Variants in RACGAP1 observed in about 807,000 individuals in gnomAD.
RACGAP1 encodes rac GTPase-activating protein 1.
A neutral mutation model predicts 78.1 loss-of-function variants in RACGAP1; 30 were observed. That is an observed-to-expected ratio of 0.38 (90% CI 0.29 to 0.52). RACGAP1 has a LOEUF of 0.52. RACGAP1 is among the 20% of genes least tolerant of loss of function. The probability of loss-of-function intolerance (pLI) is 0.82; values close to 1 mark genes in which losing one functional copy is unlikely to be tolerated. For synonymous variants in RACGAP1, 231 were observed against 264.8 expected, an observed-to-expected ratio of 0.87 and a Z score of 1.24; for missense variants, 587 against 777.1, an observed-to-expected ratio of 0.76 and a Z score of 2.91.
chr12:50,020,124 T>C (rs993515187), intron 1 of RACGAP1, among the ~76,000 whole-genome samples: 1 of 152,204 alleles, frequency 6.6e-6, no homozygotes, highest in African/African-American at 2.4e-5. Context: ...ACTAGGTGCT[T>C]TGAAATGATT....
chr12:50,013,360 A>G (rs530034543), intron 2 of RACGAP1, among the ~76,000 whole-genome samples: 2 of 152,332 alleles, frequency 1.3e-5, no homozygotes, highest in East Asian at 3.9e-4. Context: ...AGACACAGAA[A>G]TAACAGGTAA....
At chr12:49,997,728 C>A (rs1948400298) in intron 9 of RACGAP1, among the ~76,000 whole-genome samples, 1 of 152,060 alleles carries the variant, frequency 6.6e-6, no homozygotes. Context: ...CAGGCATGCG[C>A]CACCACGCCC....
At chr12:49,994,968 CAT>C (rs1480373176) in intron 10 of RACGAP1, among the ~76,000 whole-genome samples, 1 of 151,970 alleles carries the variant, frequency 6.6e-6, no homozygotes, top group Non-Finnish European at 1.5e-5. Flanking sequence ...AATTATTTAA[CAT>C]ATCTTATCAG....
At chr12:49,996,984 C>A in intron 10 of RACGAP1, 56 bp downstream of exon 10, 1 of 1,408,936 alleles carries the variant, frequency 7.1e-7, no homozygotes, top group Non-Finnish European at 9.3e-7. Flanking sequence ...TGACACTAAG[C>A]CTTTGAAAGG....
intron 1 of RACGAP1, among the ~76,000 whole-genome samples, chr12:50,024,423 G>T (rs1456333146): frequency 6.6e-6 from 1 of 152,092 alleles, no homozygotes; most frequent in African/African-American, 2.4e-5. Context: ...GTCAAATACC[G>T]CATGTTCTCA....
intron 5 of RACGAP1, among the ~76,000 whole-genome samples, chr12:50,003,828 C>G (rs1053592818): frequency 2.0e-5 from 3 of 152,196 alleles, no homozygotes; most frequent in African/African-American, 7.2e-5. Flanking sequence ...TGAAGTATGA[C>G]TATGCTTTCC....
upstream of RACGAP1, among the ~76,000 whole-genome samples, chr12:50,027,865 C>T (rs1040710843): frequency 6.6e-6 from 1 of 152,074 alleles, no homozygotes. Context: ...CACGAGAAAG[C>T]GTTTATGAAG....
chr12:49,996,575 A>T (rs1948279314), intron 10 of RACGAP1, among the ~76,000 whole-genome samples: 1 of 125,238 alleles, frequency 8.0e-6, no homozygotes, highest in East Asian at 2.7e-4. Flanking sequence ...AGGGGGGCGG[A>T]GGTTGCAGTG....
At chr12:49,995,791 A>C (rs922193411) in intron 10 of RACGAP1, among the ~76,000 whole-genome samples, 1 of 152,200 alleles carries the variant, frequency 6.6e-6, no homozygotes, top group Non-Finnish European at 1.5e-5. Flanking sequence ...TACCACACTC[A>C]GCAATAAATA....
chr12:50,020,358 A>G (rs1209892782), intron 1 of RACGAP1, among the ~76,000 whole-genome samples: 5 of 139,054 alleles, frequency 3.6e-5, no homozygotes, highest in African/African-American at 5.3e-5. Flanking sequence ...TTTTTTTTGT[A>G]TTTTTAGTAG....
Position 50,025,457 on chromosome 12 carries a change from G to A in RACGAP1, c.-64C>T, listed in dbSNP as rs1053897672. The A allele has an allele frequency of 1.0e-5, 10 of 985,648 alleles. No individual in the cohort carries two copies. The highest frequency in any genetic ancestry group is 1.2e-5 in the Non-Finnish European group (10 of 830,138). The allele number at this position is 985,648 out of a possible 1,614,324, so 61.1% of individuals were successfully genotyped here. A position where few individuals can be genotyped will look rare whatever the true frequency, so the allele number is the denominator to read the frequency against. The stretch of plus-strand genomic sequence containing the variant: ...ACTTCGCTCCGCGCCTCACCCAACG[G>A]CAGAGCAGCGCCGCGCCCACAGCTC... On this transcript the variant is annotated 5_prime_UTR_variant, in exon 1 of 17. Transcript: ENST00000312377.
Position 49,991,457 on chromosome 12 carries a change from T to TTA in RACGAP1, c.1714+539_1714+540dup, listed in dbSNP as rs59257280. 9.9e-3 allele frequency among the ~76,000 whole-genome samples: 271 copies of TTA among 27,410 alleles called. 21 individuals are homozygous for TTA. Among genetic ancestry groups the TTA allele is most frequent in the South Asian group, 0.016 (9 of 548 alleles). The allele number at this position is 27,410 out of a possible 152,430, so 18.0% of individuals were successfully genotyped here. On this transcript the variant is annotated intron_variant, in intron 15 of 16. Coordinates refer to ENST00000312377, the MANE Select transcript of RACGAP1 (RefSeq NM_001319999.2). ...ATAAGAATGAATTATATTTAAACTA[T>TTA]TATATATATATATATATATATATTT... is the stretch of plus-strand genomic sequence containing the variant.
intron 1 of RACGAP1, among the ~76,000 whole-genome samples, chr12:50,020,670 T>C (rs971594458): frequency 2.0e-5 from 3 of 152,200 alleles, no homozygotes; most frequent in Non-Finnish European, 4.4e-5. Flanking sequence ...GTTGCAGACC[T>C]ACTCAGAGAC....
At chr12:50,028,385 CT>C (rs547875629), upstream of RACGAP1, among the ~76,000 whole-genome samples, 282 of 152,362 alleles carry the variant, frequency 1.9e-3, no homozygotes, top group African/African-American at 6.5e-3. Flanking sequence ...CTCCTTCCCC[CT>C]GTCACTACCC....
intron 15 of RACGAP1, among the ~76,000 whole-genome samples, chr12:49,991,691 G>C (rs1399931490): frequency 6.6e-6 from 1 of 150,842 alleles, no homozygotes; most frequent in South Asian, 2.1e-4. Flanking sequence ...GTTTCACCAT[G>C]TTGGCCAGAA....
intron 1 of RACGAP1, among the ~76,000 whole-genome samples, chr12:50,022,390 C>G (rs1222871289): frequency 1.3e-5 from 2 of 152,158 alleles, no homozygotes; most frequent in African/African-American, 4.8e-5. Context: ...TGAGACCAGC[C>G]TGATCAACAT....
At chr12:49,991,957 G>GA (rs758825177) in intron 15 of RACGAP1, 41 bp downstream of exon 15, 31 of 1,606,654 alleles carry the variant, frequency 1.9e-5, no homozygotes, top group Non-Finnish European at 2.5e-5. Context: ...TAAAACTAAA[G>GA]AGAGAGTCAA....
chr12:50,008,125 A>C (rs1949078107), intron 2 of RACGAP1, among the ~76,000 whole-genome samples: 1 of 141,834 alleles, frequency 7.1e-6, no homozygotes, highest in Admixed American at 7.2e-5. Context: ...ACATTTACAT[A>C]CCTGATTAAT....
intron 2 of RACGAP1, among the ~76,000 whole-genome samples, chr12:50,010,763 C>A (rs1184139403): frequency 1.3e-5 from 2 of 150,760 alleles, no homozygotes; most frequent in East Asian, 2.0e-4. Flanking sequence ...AGAAACCCCA[C>A]CTCTACTAAA....
Sources: allele counts gnomAD v4.1 joint callset (sites outside exome capture counted in the v4.1 genomes callset), GRCh38; gene constraint gnomAD v4.1.1; transcripts MANE v1.5; gene names NCBI Gene and HGNC (gene_info 2026-07-23, HGNC 2026-07-21).